The following CTNNA2 variants were observed in gnomAD, a reference collection of about 807,000 sequenced individuals.
CTNNA2 encodes catenin alpha 2, also known as catenin alpha-2.
Under a neutral mutation model 101.0 loss-of-function variants are expected in CTNNA2, and 42 were observed. The observed-to-expected ratio is 0.42, with a 90% CI of 0.32 to 0.54. The LOEUF (loss-of-function observed/expected upper bound fraction) is 0.54. CTNNA2 is among the 20% of genes least tolerant of loss of function. The probability of loss-of-function intolerance (pLI) is 0.14; values close to 1 mark genes in which losing one functional copy is unlikely to be tolerated. For synonymous variants in CTNNA2, 450 were observed against 456.4 expected, an observed-to-expected ratio of 0.99 and a Z score of 0.18; for missense variants, 871 against 1,223.1, an observed-to-expected ratio of 0.71 and a Z score of 4.29.
At chr2:79,427,593 A>C (rs559272625) in intron 4 of CTNNA2, among the ~76,000 whole-genome samples, 1 of 150,832 alleles carries the variant, frequency 6.6e-6, no homozygotes. Context: ...TGAATCTTCC[A>C]GTCTCTAGGA....
intron 7 of CTNNA2, among the ~76,000 whole-genome samples, chr2:80,210,231 G>C (rs183431200): frequency 2.0e-5 from 3 of 151,782 alleles, no homozygotes; most frequent in Non-Finnish European, 4.4e-5. Flanking sequence ...TTTTTTATTA[G>C]ACTTTAAGTT....
intron 2 of CTNNA2, among the ~76,000 whole-genome samples, chr2:79,656,453 G>A (rs1313634010): frequency 1.3e-5 from 2 of 152,066 alleles, no homozygotes; most frequent in Admixed American, 1.3e-4. Context: ...TAATAAGGAT[G>A]GATAAGGGAT....
chr2:79,997,038 A>G (rs1255926656), intron 7 of CTNNA2, among the ~76,000 whole-genome samples: 1 of 152,052 alleles, frequency 6.6e-6, no homozygotes, highest in Non-Finnish European at 1.5e-5. Context: ...TCCGCCCAGC[A>G]AATTTTACCC....
Position 80,302,272 on chromosome 2 carries a change from G to C in CTNNA2, c.1057-90939G>C. 1.2e-6 allele frequency: 2 copies of C among 1,613,760 alleles called. No homozygotes were observed. The highest frequency in any genetic ancestry group is 1.7e-6 in the Non-Finnish European group (2 of 1,179,810). Reference sequence around the variant, plus strand: ...ACAATCACACCTCGCATTCCCTCGCGGGCTGCTGGTGGCAGGTACACGAGC... The same window carrying C: ...ACAATCACACCTCGCATTCCCTCGCCGGCTGCTGGTGGCAGGTACACGAGC... On this transcript the variant is annotated intron_variant, in intron 7 of 18. Coordinates refer to ENST00000402739, the MANE Select transcript of CTNNA2 (RefSeq NM_001282597.3). The surrounding 1 kb of genome is among the most constrained non-coding windows in gnomAD (Gnocchi z 6.4).
intron 7 of CTNNA2, among the ~76,000 whole-genome samples, chr2:80,059,461 C>T (rs1270919507): frequency 6.6e-6 from 1 of 152,332 alleles, no homozygotes; most frequent in East Asian, 1.9e-4. Context: ...TTGACTAAGC[C>T]ACTAGTATTT....
At chr2:79,287,232 T>A (rs1327347257) in intron 2 of CTNNA2, among the ~76,000 whole-genome samples, 2 of 152,256 alleles carry the variant, frequency 1.3e-5, no homozygotes, top group African/African-American at 2.4e-5. Flanking sequence ...AATTTGATCA[T>A]CTGAAGCCTT....
chr2:80,282,761 T>A (rs892330593), intron 7 of CTNNA2, among the ~76,000 whole-genome samples: 2 of 152,182 alleles, frequency 1.3e-5, no homozygotes, highest in Admixed American at 6.5e-5. Context: ...ACAACACCTG[T>A]TGCTTACTAG....
intron 7 of CTNNA2, among the ~76,000 whole-genome samples, chr2:80,287,497 G>A (rs1471749785): frequency 6.6e-6 from 1 of 152,112 alleles, no homozygotes; most frequent in Admixed American, 6.5e-5. Flanking sequence ...AGATATGCTT[G>A]GTACCAAAAG....
At chr2:79,209,631 AG>A (rs1674143535) in intron 2 of CTNNA2, among the ~76,000 whole-genome samples, 1 of 152,232 alleles carries the variant, frequency 6.6e-6, no homozygotes, top group Non-Finnish European at 1.5e-5. Context: ...TACTGGGACC[AG>A]AAATACTTTC....
intron 11 of CTNNA2, among the ~76,000 whole-genome samples, chr2:80,553,884 T>C (rs1402906208): frequency 6.6e-6 from 1 of 152,198 alleles, no homozygotes; most frequent in Non-Finnish European, 1.5e-5. Context: ...TTCACATGTT[T>C]AATCATGTTT....
chr2:79,948,493 C>T (rs1688652386), intron 7 of CTNNA2, among the ~76,000 whole-genome samples: 2 of 152,170 alleles, frequency 1.3e-5, no homozygotes, highest in Non-Finnish European at 2.9e-5. Flanking sequence ...GGATTAATGA[C>T]AGTGAAGTGC....
intron 7 of CTNNA2, among the ~76,000 whole-genome samples, chr2:80,060,449 C>T (rs141720542): frequency 2.0e-5 from 3 of 152,240 alleles, no homozygotes; most frequent in Non-Finnish European, 4.4e-5. Context: ...GATCTCATTA[C>T]CCTTCTGGTG....
At chr2:79,920,975 G>A (rs1328351528) in intron 7 of CTNNA2, among the ~76,000 whole-genome samples, 1 of 152,196 alleles carries the variant, frequency 6.6e-6, no homozygotes, top group Non-Finnish European at 1.5e-5. Context: ...TTAGTTCACA[G>A]CATTCTGCAG....
At chr2:80,561,612 T>TAAATA (rs1333897631) in intron 12 of CTNNA2, among the ~76,000 whole-genome samples, 2 of 152,132 alleles carry the variant, frequency 1.3e-5, no homozygotes, top group Admixed American at 1.3e-4. Context: ...ATTATGAATC[T>TAAATA]AGGAGCTTAT....
At chr2:79,240,787 C>G (rs1215306665) in intron 2 of CTNNA2, among the ~76,000 whole-genome samples, 1 of 152,100 alleles carries the variant, frequency 6.6e-6, no homozygotes, top group Non-Finnish European at 1.5e-5. Flanking sequence ...CCACAGAGAA[C>G]AGTTCTGAGT....
intron 7 of CTNNA2, among the ~76,000 whole-genome samples, chr2:80,289,968 C>CTGTG (rs1675097417): frequency 6.6e-6 from 1 of 152,148 alleles, no homozygotes. Context: ...TCAAAAGTCA[C>CTGTG]TGTGTGTGAG....
intron 4 of CTNNA2, among the ~76,000 whole-genome samples, chr2:79,475,246 T>TC (rs1671038903): frequency 6.6e-6 from 1 of 151,980 alleles, no homozygotes; most frequent in Non-Finnish European, 1.5e-5. Context: ...TGTGTTTTTT[T>TC]CACAGGTTAT....
rs927591623 is a variant in CTNNA2 at position 80,260,866 on chromosome 2, A to AT, written c.1057-132336dup. 1.2e-3 allele frequency among the ~76,000 whole-genome samples: 177 copies of AT among 151,694 alleles called. 1 individual carries two copies. The highest frequency in any genetic ancestry group is 6.8e-3 in the Middle Eastern group (2 of 292). On this transcript the variant is annotated intron_variant, in intron 7 of 18. Coordinates refer to ENST00000402739, the MANE Select transcript of CTNNA2 (RefSeq NM_001282597.3). The stretch of plus-strand genomic sequence containing the variant: ...TGAGGATGTATTCTTTGAGTTGTAC[A>AT]TTTTTTTTTCCACCAAAGCAATCAT...
At chr2:79,780,071 A>G (rs1674307669) in intron 3 of CTNNA2, among the ~76,000 whole-genome samples, 2 of 152,326 alleles carry the variant, frequency 1.3e-5, no homozygotes, top group South Asian at 4.1e-4. Flanking sequence ...GGTAACCCAG[A>G]CAGTCCTTTC....
Sources: gnomAD v4.1 joint callset for allele counts (sites outside exome capture counted in the v4.1 genomes callset) on GRCh38, gnomAD v4.1.1 for gene constraint, Gnocchi (gnomAD v3.1) non-coding constraint, MANE v1.5 for transcripts, NCBI Gene and HGNC (gene_info 2026-07-23, HGNC 2026-07-21) for gene names.